Variants in TMEM232 observed in about 807,000 individuals in gnomAD.
TMEM232 encodes the protein transmembrane protein 232.
In TMEM232, 80 loss-of-function variants were observed where a neutral mutation model predicts 78.8. The observed-to-expected ratio is 1.01, with a 90% CI of 0.85 to 1.22. The LOEUF is 1.22. Ranked by LOEUF, TMEM232 falls within the 50% of genes most tolerant of loss-of-function variation. The probability of loss-of-function intolerance (pLI) is 0.00; values close to 1 mark genes in which losing one functional copy is unlikely to be tolerated. For missense variants in TMEM232, 881 were observed against 742.2 expected (o/e 1.19, Z -2.17); for synonymous variants, 297 against 254.3 (o/e 1.17, Z -1.60).
chr5:110,650,523 T>C lies in TMEM232; in HGVS notation c.126-8152A>G, dbSNP rs544348225. On this transcript the variant is annotated intron_variant, in intron 2 of 13. Transcript: ENST00000455884. Reference sequence around the variant, plus strand: ...GTTTTGATTGTATGTACCCCTGATGTGATGTGATGAGAATGGTGCTTAACC... The same window carrying C: ...GTTTTGATTGTATGTACCCCTGATGCGATGTGATGAGAATGGTGCTTAACC... Among the ~76,000 whole-genome samples the C allele has an allele frequency of 4.6e-5, 7 of 152,234 alleles. No homozygotes were observed. The East Asian group carries it at 1.4e-3, about 29-fold the overall frequency.
intron 12 of TMEM232, among the ~76,000 whole-genome samples, chr5:110,426,729 T>A (rs1311873581): frequency 6.6e-6 from 1 of 151,818 alleles, no homozygotes; most frequent in Non-Finnish European, 1.5e-5. Context: ...TCTATTAAAG[T>A]ACTGTATTAC....
At chr5:110,459,902 A>G (rs1189478971) in intron 12 of TMEM232, among the ~76,000 whole-genome samples, 1 of 152,150 alleles carries the variant, frequency 6.6e-6, no homozygotes, top group East Asian at 1.9e-4. Context: ...ATCATGAGGA[A>G]AAATTAAACT....
rs1561432642 is a variant in TMEM232 at position 110,638,317 on chromosome 5, A to G, written c.382T>C (p.Ser128Pro). The stretch of plus-strand genomic sequence containing the variant: ...GCAGGCAGATGATCATAATCAAAGG[A>G]AGCATGGTCCAGAGATGCATAAAGC... Reference protein sequence around the residue: ...NMLYASLDHASFDYDHLPALF... With the variant: ...NMLYASLDHAPFDYDHLPALF... The change falls in exon 5 of 14, where the codon TCC becomes CCC. Residue 128 changes from serine (S) to proline (P), a missense_variant. Coordinates refer to ENST00000455884, the MANE Select transcript of TMEM232 (RefSeq NM_001039763.4). 5.2e-6 allele frequency: 8 copies of G among 1,551,010 alleles called. No homozygotes were observed. Among genetic ancestry groups the G allele is most frequent in the Non-Finnish European group, 6.1e-6 (7 of 1,146,572 alleles).
chr5:110,720,178 G>C (rs1797446853), intron 1 of TMEM232, among the ~76,000 whole-genome samples: 1 of 152,070 alleles, frequency 6.6e-6, no homozygotes, highest in Admixed American at 6.6e-5. Context: ...CACTATTCTA[G>C]GAGCTGAGCA....
Position 110,447,962 on chromosome 5 carries a change from T to C in TMEM232, c.1704-23046A>G, listed in dbSNP as rs117138298. 4.1e-4 allele frequency among the ~76,000 whole-genome samples: 62 copies of C among 152,152 alleles called. No individual in the cohort carries two copies. In the East Asian group the frequency reaches 0.011, roughly 26 times the overall value. ...AATTTAAAACCCTCAAAAATTGTCA[T>C]TGAAGAAGTATTCAAAGATACCACA... On this transcript the variant is annotated intron_variant, in intron 12 of 13. Transcript: ENST00000455884.
At chr5:110,469,880 C>T (rs1762483493) in intron 12 of TMEM232, among the ~76,000 whole-genome samples, 1 of 152,170 alleles carries the variant, frequency 6.6e-6, no homozygotes, top group Admixed American at 6.5e-5. Context: ...AAAACTCTAA[C>T]ACTCTGCTTC....
In TMEM232 at chr5:110,604,088, C is replaced by T. The variant is rs531470050; in HGVS notation, c.1276+1021G>A. Among the ~76,000 whole-genome samples, 37 of 152,116 alleles carry T rather than the reference C, an allele frequency of 2.4e-4. 1 individual carries two copies. Among genetic ancestry groups the T allele is most frequent in the African/African-American group, 8.9e-4 (37 of 41,524 alleles). ...TGCTTACCTATTATGTATTATTATG[C>T]TAGATGCTGGGTTACTAGAAATATA... is the stretch of plus-strand genomic sequence containing the variant. On this transcript the variant is annotated intron_variant, in intron 10 of 13. Transcript: ENST00000455884.
At chr5:110,600,906 T>A (rs1780800511) in intron 10 of TMEM232, among the ~76,000 whole-genome samples, 1 of 152,172 alleles carries the variant, frequency 6.6e-6, no homozygotes, top group African/African-American at 2.4e-5. Flanking sequence ...GTGAAAATCC[T>A]CAGTAAAACA....
At chr5:110,531,331 A>C (rs899148228) in intron 11 of TMEM232, among the ~76,000 whole-genome samples, 1 of 152,188 alleles carries the variant, frequency 6.6e-6, no homozygotes, top group Non-Finnish European at 1.5e-5. Flanking sequence ...GACACACATG[A>C]AATTTGGTGC....
rs1389137021 is a variant in TMEM232 at position 110,513,428 on chromosome 5, C to A, written c.1703+15160G>T. Among the ~76,000 whole-genome samples, 6 of 152,144 alleles carry A rather than the reference C, an allele frequency of 3.9e-5. No individual in the cohort carries two copies. The South Asian group carries it at 8.3e-4, about 21-fold the overall frequency. Reference sequence around the variant, plus strand: ...TAATATTTAAAATATGTAAGAAACTCATACAACTTAATATCAAATAAAACC... The same window carrying A: ...TAATATTTAAAATATGTAAGAAACTAATACAACTTAATATCAAATAAAACC... On this transcript the variant is annotated intron_variant, in intron 12 of 13. Transcript: ENST00000455884.
intron 12 of TMEM232, among the ~76,000 whole-genome samples, chr5:110,428,055 TC>T (rs1224658276): frequency 2.6e-5 from 4 of 151,806 alleles, no homozygotes; most frequent in Admixed American, 2.6e-4. Flanking sequence ...CTATAGTCAC[TC>T]CATTGTGCTG....
chr5:110,499,627 A>ACCCCTCCC (rs1554091638), intron 12 of TMEM232, among the ~76,000 whole-genome samples: 2 of 119,496 alleles, frequency 1.7e-5, no homozygotes, highest in African/African-American at 9.1e-5. Flanking sequence ...ATATGTATAC[A>ACCCCTCCC]CCCCCCCCCA....
intron 12 of TMEM232, among the ~76,000 whole-genome samples, chr5:110,462,769 C>G (rs1329471301): frequency 6.6e-6 from 1 of 152,072 alleles, no homozygotes; most frequent in African/African-American, 2.4e-5. Flanking sequence ...AGTTCTGTCC[C>G]TCTAGGGTAC....
intron 12 of TMEM232, among the ~76,000 whole-genome samples, chr5:110,426,832 T>A (rs1324197858): frequency 6.6e-6 from 1 of 151,990 alleles, no homozygotes; most frequent in East Asian, 1.9e-4. Context: ...GTTTTGGTAT[T>A]CAAAGAATTG....
chr5:110,545,295 T>C (rs1013366507), intron 11 of TMEM232, among the ~76,000 whole-genome samples: 2 of 152,000 alleles, frequency 1.3e-5, no homozygotes, highest in Admixed American at 6.6e-5. Context: ...TGGATGATGA[T>C]GGTGGTAGGA....
At chr5:110,583,627 G>A (rs1220174823) in intron 10 of TMEM232, among the ~76,000 whole-genome samples, 1 of 151,572 alleles carries the variant, frequency 6.6e-6, no homozygotes, top group East Asian at 1.9e-4. Flanking sequence ...ACAAAAATAA[G>A]TTCAAGTGGA....
At chr5:110,573,291 C>T (rs114465334) in intron 10 of TMEM232, among the ~76,000 whole-genome samples, 1 of 151,940 alleles carries the variant, frequency 6.6e-6, no homozygotes, top group Admixed American at 6.6e-5. Context: ...AATGAGTGTA[C>T]ATAAGTATAG....
At chr5:110,427,245 C>T (rs1757338968) in intron 12 of TMEM232, among the ~76,000 whole-genome samples, 2 of 152,034 alleles carry the variant, frequency 1.3e-5, no homozygotes, top group South Asian at 4.1e-4. Flanking sequence ...TCTTCAGTTT[C>T]TTCATCCGTA....
intron 12 of TMEM232, among the ~76,000 whole-genome samples, chr5:110,457,626 C>T (rs1174470032): frequency 6.6e-6 from 1 of 151,712 alleles, no homozygotes; most frequent in Non-Finnish European, 1.5e-5. Context: ...TGAATAAAAA[C>T]CTAGTATATC....
Sources: gnomAD v4.1 joint callset for allele counts (sites outside exome capture counted in the v4.1 genomes callset) on GRCh38, gnomAD v4.1.1 for gene constraint, MANE v1.5 for transcripts, NCBI Gene and HGNC (gene_info 2026-07-23, HGNC 2026-07-21) for gene names.